Variants in PSTPIP1 observed in about 807,000 individuals in gnomAD.
PSTPIP1 encodes the protein proline-serine-threonine phosphatase-interacting protein 1.
Under a neutral mutation model 69.6 loss-of-function variants are expected in PSTPIP1, and 66 were observed. That is an observed-to-expected ratio of 0.95 (90% CI 0.78 to 1.16). The LOEUF (loss-of-function observed/expected upper bound fraction) is 1.16. PSTPIP1 is among the 50% of genes most tolerant of loss of function. The pLI, the probability that PSTPIP1 is intolerant of heterozygous loss-of-function variation, is 0.00. For synonymous variants in PSTPIP1, 266 were observed against 222.7 expected (o/e 1.19, Z -1.73); for missense variants, 603 against 557.4 (o/e 1.08, Z -0.82).
chr15:77,028,751 C>G, intron 7 of PSTPIP1, 99 bp downstream of exon 7: 1 of 1,042,846 alleles, frequency 9.6e-7, no homozygotes, highest in South Asian at 1.8e-5. Context: ...AGATCTGCAT[C>G]TGGGGATGCT....
intron 1 of PSTPIP1, among the ~76,000 whole-genome samples, chr15:77,000,264 G>A (rs2075669900): frequency 1.3e-5 from 2 of 152,104 alleles, no homozygotes; most frequent in African/African-American, 4.8e-5. Flanking sequence ...TCAGCCACTG[G>A]TGCCTTTTCC....
rs1336147353 is a variant in PSTPIP1 at position 76,995,516 on chromosome 15, C to G, written c.-58C>G. On this transcript the variant is annotated 5_prime_UTR_variant, in exon 1 of 15. Transcript: ENST00000558012. Reference sequence around the variant, plus strand: ...TGGGACGCTGCTGCTGGCGCCTGGCCCTCCATCAGGCCAGCCTGTGGCAGG... The same window carrying G: ...TGGGACGCTGCTGCTGGCGCCTGGCGCTCCATCAGGCCAGCCTGTGGCAGG... 6 of 1,613,094 alleles carry G rather than the reference C, an allele frequency of 3.7e-6. No individual in the cohort carries two copies. The highest frequency in any genetic ancestry group is 5.1e-6 in the Non-Finnish European group (6 of 1,179,702).
At chr15:77,029,366 T>C (rs1057359760) in intron 7 of PSTPIP1, among the ~76,000 whole-genome samples, 163 bp from the exon 8 acceptor site, 5 of 152,220 alleles carry the variant, frequency 3.3e-5, no homozygotes, top group African/African-American at 4.8e-5. Flanking sequence ...TGTGGTCCTC[T>C]GTGGGCGGAG....
chr15:77,034,259 C>T lies in PSTPIP1; in HGVS notation c.930-1249C>T, dbSNP rs1329867862. 3.3e-5 allele frequency among the ~76,000 whole-genome samples: 5 copies of T among 152,184 alleles called. No homozygotes were observed. In the East Asian group the frequency reaches 7.7e-4, roughly 24 times the overall value. ...TGCACCCCTTTCCCCCTGCCCTGGC[C>T]GCTTCCTCCACCTGTCCCCAGCCCC... is the stretch of plus-strand genomic sequence containing the variant. On this transcript the variant is annotated intron_variant, in intron 12 of 14. Transcript: ENST00000558012.
At chr15:77,009,941 C>T (rs950450020) in intron 1 of PSTPIP1, among the ~76,000 whole-genome samples, 6 of 152,190 alleles carry the variant, frequency 3.9e-5, no homozygotes, top group Non-Finnish European at 7.3e-5. Context: ...ACCACTGGTG[C>T]CCCTGGCTGG....
chr15:77,010,555 C>T (rs2075913737), intron 1 of PSTPIP1, among the ~76,000 whole-genome samples: 2 of 152,236 alleles, frequency 1.3e-5, no homozygotes, highest in Admixed American at 6.5e-5. Flanking sequence ...TAGCACTGGA[C>T]TTCCAGGCAG....
chr15:76,994,887 TGCTG>T, upstream of PSTPIP1: 1 of 1,287,230 alleles, frequency 7.8e-7, no homozygotes, highest in Non-Finnish European at 1.0e-6. Flanking sequence ...CCTGGAAGGG[TGCTG>T]GACTGGCTGG....
intron 6 of PSTPIP1, 129 bp downstream of exon 6, chr15:77,028,043 C>T (rs2076324378): frequency 1.1e-6 from 1 of 876,852 alleles, no homozygotes; most frequent in East Asian, 2.7e-5. Flanking sequence ...CCTCGGACCT[C>T]GGCCTTGGGC....
At position 77,001,240 on chromosome 15, in the gene PSTPIP1, G is replaced by A. The variant is rs145555071; in HGVS notation, c.36+5631G>A. ...GGGATTATTTCTTTGGGCAGAGGAGGCTAATGGCTATTTTCCAGGGAAGGA... is the reference window on the plus strand; with the variant it reads ...GGGATTATTTCTTTGGGCAGAGGAGACTAATGGCTATTTTCCAGGGAAGGA... On this transcript the variant is annotated intron_variant, in intron 1 of 14. Transcript: ENST00000558012. 2.7e-3 allele frequency among the ~76,000 whole-genome samples: 412 copies of A among 152,350 alleles called. 3 individuals carry two copies. Among genetic ancestry groups the A allele is most frequent in the Non-Finnish European group, 1.9e-3 (131 of 68,034 alleles).
chr15:77,032,180 C>G (rs1426464752), intron 10 of PSTPIP1, 118 bp from the exon 11 acceptor site: 1 of 987,854 alleles, frequency 1.0e-6, no homozygotes, highest in Non-Finnish European at 1.5e-6. Context: ...TCAAAGACCC[C>G]GAGCCGCGCA....
chr15:76,994,826 C>G, upstream of PSTPIP1: 2 of 1,289,110 alleles, frequency 1.6e-6, no homozygotes, highest in Non-Finnish European at 2.0e-6. Context: ...GTAAGCCCCT[C>G]CAGAATGACT....
chr15:77,022,779 T>C (rs2076187481), intron 3 of PSTPIP1, among the ~76,000 whole-genome samples: 1 of 152,176 alleles, frequency 6.6e-6, no homozygotes, highest in African/African-American at 2.4e-5. Context: ...GGTGGCCTGA[T>C]GGTTCCAGCA....
intron 4 of PSTPIP1, 70 bp from the exon 5 acceptor site, chr15:77,025,428 G>T: frequency 1.3e-6 from 2 of 1,582,158 alleles, no homozygotes. Context: ...TGGCCCACAC[G>T]GGTGAGTTGT....
intron 1 of PSTPIP1, among the ~76,000 whole-genome samples, chr15:76,998,854 G>C (rs868231853): frequency 3.3e-5 from 5 of 152,210 alleles, no homozygotes; most frequent in Non-Finnish European, 5.9e-5. Context: ...GCTGCTGTAG[G>C]AGTGAGGCAG....
At chr15:77,020,943 C>G (rs2076148497) in intron 3 of PSTPIP1, among the ~76,000 whole-genome samples, 1 of 152,108 alleles carries the variant, frequency 6.6e-6, no homozygotes, top group Non-Finnish European at 1.5e-5. Context: ...GTGGCCCACC[C>G]TCCAGGGCCC....
chr15:77,012,101 T>G (rs368237156), intron 1 of PSTPIP1, among the ~76,000 whole-genome samples: 3 of 151,834 alleles, frequency 2.0e-5, no homozygotes, highest in East Asian at 3.9e-4. Context: ...CCTTGTTTAC[T>G]GAGGGCTCTG....
intron 1 of PSTPIP1, 76 bp downstream of exon 1, chr15:76,995,685 G>C: frequency 1.9e-6 from 3 of 1,607,996 alleles, no homozygotes; most frequent in Non-Finnish European, 2.6e-6. Flanking sequence ...CAGGTGATGG[G>C]ATGCGGCTCC....
intron 1 of PSTPIP1, among the ~76,000 whole-genome samples, chr15:76,995,818 C>T (rs1048716959): frequency 3.3e-5 from 5 of 152,364 alleles, no homozygotes; most frequent in African/African-American, 1.2e-4. Context: ...GCGTCCTCCT[C>T]TCTGCTGCCC....
chr15:77,003,655 CAAA>C (rs35480677), intron 1 of PSTPIP1, among the ~76,000 whole-genome samples: 1 of 137,324 alleles, frequency 7.3e-6, no homozygotes. Context: ...AACTCCGTCT[CAAA>C]AAAAAAAAAA....
Sources: allele counts gnomAD v4.1 joint callset (sites outside exome capture counted in the v4.1 genomes callset), GRCh38; gene constraint gnomAD v4.1.1; transcripts MANE v1.5; gene names NCBI Gene and HGNC (gene_info 2026-07-23, HGNC 2026-07-21).